The following ARB2A variants were observed in gnomAD, a reference collection of about 807,000 sequenced individuals.
The protein encoded by ARB2A is ARB2 cotranscriptional regulator A, also known as cotranscriptional regulator ARB2A.
the ARB2A span, chr5:93,740,792 A>T: frequency 6.2e-7 from 1 of 1,612,668 alleles, no homozygotes; most frequent in Non-Finnish European, 8.5e-7. Context: ...CGGTTATAGA[A>T]CCAAACTCGA....
the ARB2A span, among the ~76,000 whole-genome samples, chr5:93,815,958 C>T: frequency 1.3e-5 from 2 of 152,132 alleles, no homozygotes; most frequent in African/African-American, 4.8e-5. Flanking sequence ...TGAAACTATC[C>T]TGAACTCTAG....
At chr5:93,636,514 G>A in the ARB2A span, among the ~76,000 whole-genome samples, 2 of 152,220 alleles carry the variant, frequency 1.3e-5, no homozygotes, top group Admixed American at 6.5e-5. Flanking sequence ...AAGACACAGT[G>A]AAAAGATTAC....
At chr5:93,756,349 G>A in the ARB2A span, among the ~76,000 whole-genome samples, 2 of 152,318 alleles carry the variant, frequency 1.3e-5, no homozygotes, top group African/African-American at 2.4e-5. Flanking sequence ...CCTGCCCACC[G>A]CTGGTCCCTC....
At chr5:93,792,653 A>G in the ARB2A span, among the ~76,000 whole-genome samples, 362 of 141,380 alleles carry the variant, frequency 2.6e-3, 1 homozygote, top group African/African-American at 9.1e-3. Flanking sequence ...TTGAACAATG[A>G]GAAAACATGG....
the ARB2A span, among the ~76,000 whole-genome samples, chr5:94,088,752 C>A: frequency 1.3e-5 from 2 of 152,140 alleles, no homozygotes; most frequent in African/African-American, 2.4e-5. Flanking sequence ...TTTTCTTTGG[C>A]ATATTTCCAC....
the ARB2A span, among the ~76,000 whole-genome samples, chr5:93,955,316 T>C: frequency 6.6e-6 from 1 of 152,232 alleles, no homozygotes; most frequent in Non-Finnish European, 1.5e-5. Flanking sequence ...TTACATTTTA[T>C]TCATTATTTT....
the ARB2A span, among the ~76,000 whole-genome samples, chr5:93,840,104 T>C: frequency 3.9e-5 from 6 of 152,260 alleles, no homozygotes; most frequent in African/African-American, 1.4e-4. Context: ...TTAGGTTAAT[T>C]TGATATCTTT....
At chr5:93,759,885 G>A in the ARB2A span, among the ~76,000 whole-genome samples, 5 of 152,142 alleles carry the variant, frequency 3.3e-5, no homozygotes, top group South Asian at 1.0e-3. Flanking sequence ...TACACTGGAA[G>A]TTCCAGCCAG....
chr5:93,986,434 G>A, the ARB2A span, among the ~76,000 whole-genome samples: 1 of 148,778 alleles, frequency 6.7e-6, no homozygotes, highest in East Asian at 2.0e-4. Context: ...TGCCCCATCT[G>A]GGGGGTGGGG....
the ARB2A span, chr5:93,784,267 A>C: frequency 1.5e-6 from 1 of 686,122 alleles, no homozygotes; most frequent in African/African-American, 1.8e-5. Context: ...ATTTCCTCTC[A>C]ATGTTCTGCC....
the ARB2A span, among the ~76,000 whole-genome samples, chr5:94,039,029 T>C: frequency 6.6e-6 from 1 of 152,310 alleles, no homozygotes; most frequent in African/African-American, 2.4e-5. Context: ...CCTGATGAAA[T>C]CCTTTCCACA....
chr5:93,653,955 T>C, the ARB2A span, among the ~76,000 whole-genome samples: 1 of 151,044 alleles, frequency 6.6e-6, no homozygotes, highest in Admixed American at 6.6e-5. Flanking sequence ...CTTGAATGAA[T>C]GACTGACTCA....
the ARB2A span, among the ~76,000 whole-genome samples, chr5:94,035,230 CAT>C: frequency 6.0e-5 from 9 of 151,248 alleles, no homozygotes; most frequent in African/African-American, 9.7e-5. Context: ...TATACATATA[CAT>C]ATACATATAC....
At chr5:94,041,458 T>C in the ARB2A span, among the ~76,000 whole-genome samples, 1 of 152,132 alleles carries the variant, frequency 6.6e-6, no homozygotes, top group Non-Finnish European at 1.5e-5. Flanking sequence ...CTTCTGTCTC[T>C]CTGTGTATTT....
At chr5:93,862,093 C>T in the ARB2A span, 1 of 152,082 alleles carries the variant, frequency 6.6e-6, no homozygotes, top group East Asian at 1.9e-4. Flanking sequence ...TTATTACTTC[C>T]TTGATTTTAA....
chr5:94,017,525 G>A, the ARB2A span, among the ~76,000 whole-genome samples: 1 of 152,176 alleles, frequency 6.6e-6, no homozygotes, highest in East Asian at 1.9e-4. Flanking sequence ...GGTATCTGAT[G>A]GGGAATGCTT....
the ARB2A span, among the ~76,000 whole-genome samples, chr5:93,766,971 T>C: frequency 3.6e-5 from 5 of 139,950 alleles, no homozygotes; most frequent in Non-Finnish European, 6.0e-5. Flanking sequence ...TTCTCACTCA[T>C]AGGTGGGCAT....
At chr5:93,982,841 G>A in the ARB2A span, among the ~76,000 whole-genome samples, 1 of 152,190 alleles carries the variant, frequency 6.6e-6, no homozygotes, top group Non-Finnish European at 1.5e-5. Flanking sequence ...GATCACCTGA[G>A]TTCAGGAATT....
chr5:93,966,025 G>A, the ARB2A span, among the ~76,000 whole-genome samples: 39 of 151,930 alleles, frequency 2.6e-4, 1 homozygote, highest in Admixed American at 2.6e-3. Context: ...TTTCAACATA[G>A]TAGTTAAAAT....
Sources: allele counts gnomAD v4.1 joint callset (sites outside exome capture counted in the v4.1 genomes callset), GRCh38; gene constraint gnomAD v4.1.1; transcripts MANE v1.5; gene names NCBI Gene and HGNC (gene_info 2026-07-23, HGNC 2026-07-21).